Variants in TMOD1 observed in about 807,000 individuals in gnomAD.
TMOD1 encodes tropomodulin 1, also known as tropomodulin-1.
TMOD1 carries 17 observed loss-of-function variants against 40.6 expected under a neutral mutation model. The ratio of observed to expected loss-of-function variants is 0.42; its 90% CI spans 0.29 to 0.63. The LOEUF (loss-of-function observed/expected upper bound fraction) is 0.63, where lower values mean the gene tolerates loss of function less well. Ranked by LOEUF, TMOD1 falls within the 20% of genes least tolerant of loss-of-function variation. The pLI is 0.22. For synonymous variants in TMOD1, 181 were observed against 175.0 expected, an observed-to-expected ratio of 1.03 and a Z score of -0.27; for missense variants, 391 against 447.6, an observed-to-expected ratio of 0.87 and a Z score of 1.14.
intron 3 of TMOD1, 122 bp from the exon 4 acceptor site, chr9:97,553,159 T>C: frequency 6.9e-7 from 1 of 1,452,766 alleles, no homozygotes; most frequent in Non-Finnish European, 9.4e-7. Flanking sequence ...GGGAGAAACC[T>C]GAAGGGACTC....
At chr9:97,550,843 A>G (rs1438633022) in intron 3 of TMOD1, among the ~76,000 whole-genome samples, 1 of 151,750 alleles carries the variant, frequency 6.6e-6, no homozygotes, top group Non-Finnish European at 1.5e-5. Context: ...TCTTGATAGT[A>G]TCCTTAGATG....
At chr9:97,516,389 T>A (rs556996360) in intron 1 of TMOD1, 1 of 152,790 alleles carries the variant, frequency 6.5e-6, no homozygotes, top group South Asian at 2.1e-4. Context: ...GAGGGGGGCA[T>A]TATCCCAACC....
intron 2 of TMOD1, among the ~76,000 whole-genome samples, chr9:97,544,198 T>C (rs1397869912): frequency 6.6e-6 from 1 of 152,180 alleles, no homozygotes; most frequent in African/African-American, 2.4e-5. Context: ...CTACTCTTAC[T>C]GAAACAGCAC....
Position 97,502,454 on chromosome 9 carries a change from G to A in TMOD1, c.-49+651G>A, listed in dbSNP as rs1319719828. 6.6e-6 allele frequency among the ~76,000 whole-genome samples: 1 copy of A among 152,232 alleles called. No individual in the cohort carries two copies. The highest frequency in any genetic ancestry group is 1.5e-5 in the Non-Finnish European group (1 of 68,040). Reference sequence around the variant, plus strand: ...GAGGCGGGAGCCCCAGGTTGTCGCCGGCTCTCGGCATGGCCTTGGCAATCC... The same window carrying A: ...GAGGCGGGAGCCCCAGGTTGTCGCCAGCTCTCGGCATGGCCTTGGCAATCC... On this transcript the variant is annotated intron_variant, in intron 1 of 9. Transcript: ENST00000259365. This position sits in a 1 kb window ranked among gnomAD's most constrained non-coding sequence, Gnocchi z 6.1.
At chr9:97,569,164 C>A (rs1187119766) in intron 8 of TMOD1, 127 bp downstream of exon 8, 19 of 1,210,426 alleles carry the variant, frequency 1.6e-5, no homozygotes, top group African/African-American at 1.2e-4. Context: ...CTTTGAGGGA[C>A]CTCCAAGGTC....
intron 9 of TMOD1, among the ~76,000 whole-genome samples, chr9:97,592,910 A>G (rs761236139): frequency 1.2e-4 from 19 of 152,348 alleles, no homozygotes; most frequent in Non-Finnish European, 2.5e-4. Flanking sequence ...AAATGTGTGC[A>G]GAGTCTTGGT....
At chr9:97,589,925 G>A (rs952656157) in intron 8 of TMOD1, among the ~76,000 whole-genome samples, 1 of 151,826 alleles carries the variant, frequency 6.6e-6, no homozygotes, top group East Asian at 1.9e-4. Context: ...AAGATATAAA[G>A]AAGGAAACAA....
In TMOD1 at chr9:97,565,907, G is replaced by A; in HGVS notation, c.678G>A (p.Val226=). 2 of 1,614,206 alleles carry A rather than the reference G, an allele frequency of 1.2e-6. No homozygotes were observed. Among genetic ancestry groups the A allele is most frequent in the Non-Finnish European group, 1.7e-6 (2 of 1,180,032 alleles). The stretch of plus-strand genomic sequence containing the variant: ...AAGCCCTGAAAGAAAACTCATATGT[G>A]AAGAAGTTCAGCATCGTGGGGACAC... The part of the protein sequence containing the change: ...YAEALKENSY[V]KKFSIVGTRS... Residue 226 remains valine (V), a synonymous_variant, in exon 7 of 10, where the codon GTG becomes GTA. Coordinates refer to ENST00000259365, the MANE Select transcript of TMOD1 (RefSeq NM_003275.4).
intron 4 of TMOD1, among the ~76,000 whole-genome samples, chr9:97,554,191 C>CGGGGGGG (rs1830499243): frequency 8.0e-5 from 1 of 12,568 alleles, no homozygotes; most frequent in African/African-American, 3.3e-4. Flanking sequence ...GGAGGGTGGG[C>CGGGGGGG]GGGGTGGGGA....
chr9:97,511,257 A>G (rs1829693427), intron 1 of TMOD1, among the ~76,000 whole-genome samples: 1 of 152,174 alleles, frequency 6.6e-6, no homozygotes, highest in Admixed American at 6.5e-5. Context: ...TTTAGAAGGT[A>G]CTTTCCCATA....
chr9:97,538,590 A>G (rs1242126803), intron 2 of TMOD1, among the ~76,000 whole-genome samples: 1 of 152,234 alleles, frequency 6.6e-6, no homozygotes, highest in East Asian at 1.9e-4. Flanking sequence ...GTACCTTTAA[A>G]TGTAATGTAT....
intron 3 of TMOD1, among the ~76,000 whole-genome samples, chr9:97,549,864 C>G (rs1185347530): frequency 6.6e-6 from 1 of 152,162 alleles, no homozygotes; most frequent in Non-Finnish European, 1.5e-5. Flanking sequence ...TCAGCTTATC[C>G]TCCATCAACA....
chr9:97,575,193 G>A (rs1052800511), intron 8 of TMOD1, among the ~76,000 whole-genome samples: 1 of 152,080 alleles, frequency 6.6e-6, no homozygotes, highest in South Asian at 2.1e-4. Context: ...TGAAGCCATC[G>A]AGACCACGAA....
At chr9:97,526,318 G>A (rs1444137022) in intron 2 of TMOD1, among the ~76,000 whole-genome samples, 1 of 152,200 alleles carries the variant, frequency 6.6e-6, no homozygotes, top group Non-Finnish European at 1.5e-5. Context: ...ATTCATCCCT[G>A]CAGTCAGGGT....
Position 97,568,968 on chromosome 9 carries a change from T to G in TMOD1, c.801T>G (p.Ala267=), listed in dbSNP as rs761338174. Residue 267 remains alanine, a synonymous_variant, in exon 8 of 10, where the codon GCT becomes GCG. Transcript: ENST00000259365. ...TGGAATCCAACTTCATTTCTGGAGC[T>G]GGGATTCTGCGCCTGGTAGAAGCCC... ...LNVESNFISG[A]GILRLVEALP... 5.6e-6 allele frequency: 9 copies of G among 1,614,200 alleles called. No homozygotes were observed. In the Admixed American group the frequency reaches 1.5e-4, roughly 27 times the overall value.
Position 97,601,332 on chromosome 9 carries a change from C to T in TMOD1, c.*1634C>T. The T allele has an allele frequency of 8.7e-7, 1 of 1,148,454 alleles. No homozygotes were observed. Among genetic ancestry groups the T allele is most frequent in the Non-Finnish European group, 1.1e-6 (1 of 917,916 alleles). 71.1% of individuals were successfully genotyped at this position (1,148,454 alleles called of 1,614,324 possible). A position where few individuals can be genotyped will look rare whatever the true frequency, so the allele number is the denominator to read the frequency against. ...CACTGGCCAGAAGACTGGGCAGCCA[C>T]CATGGCAGTGCTGGATGACCTCAGT... On this transcript the variant is annotated 3_prime_UTR_variant, in exon 10 of 10. Coordinates refer to ENST00000259365, the MANE Select transcript of TMOD1 (RefSeq NM_003275.4).
rs928972004 is a variant in TMOD1 at position 97,600,499 on chromosome 9, G to A, written c.*801G>A. On this transcript the variant is annotated 3_prime_UTR_variant, in exon 10 of 10. Coordinates refer to ENST00000259365, the MANE Select transcript of TMOD1 (RefSeq NM_003275.4). The stretch of plus-strand genomic sequence containing the variant: ...CCTTATGATGGATGTGAAAATCTAC[G>A]GCCAAATACTTTTGAAAACACCTTT... 1.9e-5 allele frequency: 19 copies of A among 985,404 alleles called. No homozygotes were observed. Among genetic ancestry groups the A allele is most frequent in the Admixed American group, 6.1e-5 (1 of 16,268 alleles). The allele number at this position is 985,404 out of a possible 1,614,324, so 61.0% of individuals were successfully genotyped here.
At chr9:97,509,233 C>T (rs1221490864) in intron 1 of TMOD1, among the ~76,000 whole-genome samples, 1 of 152,192 alleles carries the variant, frequency 6.6e-6, no homozygotes, top group Non-Finnish European at 1.5e-5. Flanking sequence ...TGCACTTCTT[C>T]ATCTGTAAAA....
At chr9:97,538,669 A>G (rs1173175916) in intron 2 of TMOD1, among the ~76,000 whole-genome samples, 1 of 152,134 alleles carries the variant, frequency 6.6e-6, no homozygotes, top group African/African-American at 2.4e-5. Flanking sequence ...GATCTTGATT[A>G]CCATGTGTTT....
Sources: allele counts gnomAD v4.1 joint callset (sites outside exome capture counted in the v4.1 genomes callset), GRCh38; gene constraint gnomAD v4.1.1; non-coding constraint Gnocchi (gnomAD v3.1); transcripts MANE v1.5; gene names NCBI Gene and HGNC (gene_info 2026-07-23, HGNC 2026-07-21).